CSMD3: variants seen among roughly 807,000 people sequenced by gnomAD.
CSMD3 encodes the protein CUB and sushi domain-containing protein 3.
In CSMD3, 177 loss-of-function variants were observed where a neutral mutation model predicts 435.2. That is an observed-to-expected ratio of 0.41 (90% CI 0.36 to 0.46). CSMD3 has a LOEUF of 0.46. CSMD3 is among the 20% of genes least tolerant of loss of function. The pLI is 0.34. For missense variants in CSMD3, 4,265 were observed against 4,504.6 expected, an observed-to-expected ratio of 0.95 and a Z score of 1.52; for synonymous variants, 1,656 against 1,520.5, an observed-to-expected ratio of 1.09 and a Z score of -2.07.
intron 3 of CSMD3, among the ~76,000 whole-genome samples, chr8:113,249,361 C>T (rs746751381): frequency 2.0e-4 from 30 of 152,070 alleles, no homozygotes; most frequent in Admixed American, 7.2e-4. Context: ...AGTGGATATT[C>T]GGCATGGAAA....
intron 22 of CSMD3, among the ~76,000 whole-genome samples, chr8:112,626,713 C>G (rs567453157): frequency 3.6e-4 from 55 of 152,140 alleles, no homozygotes; most frequent in South Asian, 2.5e-3. Flanking sequence ...TTATAAGCAG[C>G]GTTATCATTT....
chr8:113,363,860 G>A (rs1323824060), intron 1 of CSMD3, among the ~76,000 whole-genome samples: 1 of 152,044 alleles, frequency 6.6e-6, no homozygotes, highest in Non-Finnish European at 1.5e-5. Flanking sequence ...AGATCAGAAT[G>A]TTTTTAATTT....
chr8:112,365,816 A>C (rs908809122), intron 38 of CSMD3, among the ~76,000 whole-genome samples: 3 of 152,142 alleles, frequency 2.0e-5, no homozygotes, highest in African/African-American at 7.2e-5. Context: ...TTTGTGAGGA[A>C]AAATATCATC....
intron 5 of CSMD3, among the ~76,000 whole-genome samples, chr8:113,062,433 T>C (rs1023993516): frequency 1.3e-5 from 2 of 151,916 alleles, no homozygotes; most frequent in African/African-American, 4.8e-5. Flanking sequence ...TGAAACGTAT[T>C]TGTTAGTCCA....
At chr8:112,901,238 C>T (rs922423850) in intron 10 of CSMD3, among the ~76,000 whole-genome samples, 5 of 151,186 alleles carry the variant, frequency 3.3e-5, no homozygotes, top group African/African-American at 1.2e-4. Context: ...ATTGCAGGAC[C>T]ATCTTATGAC....
intron 10 of CSMD3, among the ~76,000 whole-genome samples, chr8:112,919,644 GA>G (rs2082676317): frequency 6.6e-6 from 1 of 151,656 alleles, no homozygotes; most frequent in South Asian, 2.1e-4. Context: ...TAGGATATTT[GA>G]AACATATCAT....
chr8:113,000,982 G>T (rs2085841013), intron 6 of CSMD3, among the ~76,000 whole-genome samples: 1 of 151,786 alleles, frequency 6.6e-6, no homozygotes, highest in South Asian at 2.1e-4. Context: ...TTTACCCAAA[G>T]GATTCAAATC....
intron 32 of CSMD3, among the ~76,000 whole-genome samples, chr8:112,412,526 C>T (rs1039269114): frequency 1.3e-5 from 2 of 151,866 alleles, no homozygotes; most frequent in African/African-American, 4.8e-5. Flanking sequence ...AAACACTACT[C>T]ATTTTTTTTC....
chr8:112,888,648 A>G (rs2081684043), intron 10 of CSMD3, among the ~76,000 whole-genome samples: 2 of 151,722 alleles, frequency 1.3e-5, no homozygotes, highest in African/African-American at 4.8e-5. Flanking sequence ...AGGAAACTGC[A>G]GAAGAAAGAA....
intron 13 of CSMD3, among the ~76,000 whole-genome samples, chr8:112,709,505 T>C (rs1286643540): frequency 2.6e-5 from 4 of 152,034 alleles, no homozygotes; most frequent in African/African-American, 9.7e-5. Context: ...ATGAAAGGTA[T>C]TTAGTTCAAT....
chr8:112,522,295 T>C (rs1824376156), intron 27 of CSMD3, among the ~76,000 whole-genome samples: 1 of 151,908 alleles, frequency 6.6e-6, no homozygotes, highest in South Asian at 2.1e-4. Flanking sequence ...TCAAGATATG[T>C]TGTTTTATTC....
chr8:112,953,643 A>G (rs985458206), intron 8 of CSMD3, among the ~76,000 whole-genome samples: 2 of 151,430 alleles, frequency 1.3e-5, no homozygotes, highest in Non-Finnish European at 3.0e-5. Context: ...TATTTGATAT[A>G]AGACTCCAAG....
At chr8:112,499,403 G>A (rs1821706971) in intron 30 of CSMD3, among the ~76,000 whole-genome samples, 2 of 152,062 alleles carry the variant, frequency 1.3e-5, no homozygotes, top group South Asian at 2.1e-4. Flanking sequence ...GACCGAGCAG[G>A]TCAAAAAATG....
At chr8:113,195,791 T>TTATATATA (rs749886578) in intron 3 of CSMD3, among the ~76,000 whole-genome samples, 2,340 of 125,886 alleles carry the variant, frequency 0.019, 25 homozygotes, top group African/African-American at 0.025. Context: ...ATCCTATATT[T>TTATATATA]TATATATATA....
intron 1 of CSMD3, among the ~76,000 whole-genome samples, chr8:113,426,945 A>G (rs531645772): frequency 6.6e-6 from 1 of 151,570 alleles, no homozygotes; most frequent in East Asian, 1.9e-4. Flanking sequence ...TATCAAAACT[A>G]TTTAAAATAA....
chr8:113,344,664 A>G (rs1027074066), intron 1 of CSMD3, among the ~76,000 whole-genome samples: 12 of 152,166 alleles, frequency 7.9e-5, no homozygotes, highest in Non-Finnish European at 1.3e-4. Flanking sequence ...ATATTGTGCA[A>G]TGAATACAAA....
At chr8:113,363,093 G>C (rs1454554194) in intron 1 of CSMD3, among the ~76,000 whole-genome samples, 1 of 152,084 alleles carries the variant, frequency 6.6e-6, no homozygotes, top group Admixed American at 6.6e-5. Context: ...TGTACCTTTT[G>C]CCTGGACTTC....
intron 11 of CSMD3, among the ~76,000 whole-genome samples, chr8:112,840,609 T>C (rs934683764): frequency 6.6e-6 from 1 of 151,742 alleles, no homozygotes; most frequent in Non-Finnish European, 1.5e-5. Flanking sequence ...TCTGATTTGA[T>C]CATTATATAA....
chr8:113,144,658 T>A (rs2091630479), intron 4 of CSMD3, among the ~76,000 whole-genome samples: 1 of 151,506 alleles, frequency 6.6e-6, no homozygotes, highest in African/African-American at 2.4e-5. Context: ...CTGTGCCCCC[T>A]AGTAAGCAAT....
Sources: gnomAD v4.1 joint callset for allele counts (sites outside exome capture counted in the v4.1 genomes callset) on GRCh38, gnomAD v4.1.1 for gene constraint, MANE v1.5 for transcripts, NCBI Gene and HGNC (gene_info 2026-07-23, HGNC 2026-07-21) for gene names.